The following FOLH1 variants were observed in gnomAD, a reference collection of about 807,000 sequenced individuals.
FOLH1 encodes folate hydrolase 1, also known as glutamate carboxypeptidase 2.
In FOLH1, 54 loss-of-function variants were observed where a neutral mutation model predicts 93.9. The ratio of observed to expected loss-of-function variants is 0.57; its 90% CI spans 0.46 to 0.72. FOLH1 has a LOEUF of 0.72. Ranked by LOEUF, FOLH1 falls within the 30% of genes least tolerant of loss-of-function variation. The pLI is 0.00. For missense variants in FOLH1, 571 were observed against 892.5 expected (o/e 0.64, Z 4.59); for synonymous variants, 249 against 303.6 (o/e 0.82, Z 1.87).
At chr11:49,162,182 T>G (rs1465517599) in intron 13 of FOLH1, among the ~76,000 whole-genome samples, 2 of 152,106 alleles carry the variant, frequency 1.3e-5, no homozygotes, top group African/African-American at 2.4e-5. Flanking sequence ...TCTAGCTATG[T>G]TGGGAAAGTT....
chr11:49,174,685 AC>A lies in FOLH1; in HGVS notation c.1105+206del, dbSNP rs202123074. Among the ~76,000 whole-genome samples the A allele has an allele frequency of 5.9e-3, 894 of 152,260 alleles. 12 individuals are homozygous for A. Among genetic ancestry groups the A allele is most frequent in the African/African-American group, 0.021 (855 of 41,548 alleles). Reference sequence around the variant, plus strand: ...ACCTTGGTCATCTGCCCAGCCTAGCACCAAACATTCACTTTTATTCACCACC... The same window carrying A: ...ACCTTGGTCATCTGCCCAGCCTAGCACAAACATTCACTTTTATTCACCACC... On this transcript the variant is annotated intron_variant, in intron 9 of 18. Transcript: ENST00000256999.
chr11:49,170,062 A>G (rs901477387), intron 11 of FOLH1, among the ~76,000 whole-genome samples: 1 of 127,260 alleles, frequency 7.9e-6, no homozygotes, highest in Non-Finnish European at 1.6e-5. Flanking sequence ...ATTAAAGTCC[A>G]CAGGGTTTCA....
chr11:49,147,764 T>C (rs964457630), intron 18 of FOLH1, among the ~76,000 whole-genome samples: 1 of 152,026 alleles, frequency 6.6e-6, no homozygotes, highest in African/African-American at 2.4e-5. Context: ...TCGCTACAAA[T>C]GAACGTACAA....
intron 6 of FOLH1, among the ~76,000 whole-genome samples, chr11:49,184,052 T>G (rs1398004796): frequency 6.6e-6 from 1 of 152,156 alleles, no homozygotes; most frequent in Non-Finnish European, 1.5e-5. Flanking sequence ...TCTTCAGACT[T>G]AAGAAAAATC....
intron 13 of FOLH1, among the ~76,000 whole-genome samples, chr11:49,159,672 CTAAT>C (rs1178335209): frequency 6.6e-6 from 1 of 152,036 alleles, no homozygotes; most frequent in Non-Finnish European, 1.5e-5. Context: ...GTCTCTCCTC[CTAAT>C]TATTTGGCAA....
At chr11:49,157,548 A>G (rs1256745588) in intron 14 of FOLH1, among the ~76,000 whole-genome samples, 8 of 151,984 alleles carry the variant, frequency 5.3e-5, no homozygotes, top group Non-Finnish European at 1.2e-4. Flanking sequence ...ATGACACTGA[A>G]AGGAAATGCT....
chr11:49,191,015 T>C (rs1861965696), intron 4 of FOLH1, among the ~76,000 whole-genome samples: 1 of 152,210 alleles, frequency 6.6e-6, no homozygotes. Flanking sequence ...AAAGATTATG[T>C]ATACAAAAAC....
At chr11:49,150,826 A>G (rs1225697813) in intron 17 of FOLH1, among the ~76,000 whole-genome samples, 3 of 152,190 alleles carry the variant, frequency 2.0e-5, no homozygotes, top group Non-Finnish European at 4.4e-5. Context: ...AATTTAATTA[A>G]CTGAGAAAAA....
At chr11:49,191,320 G>A (rs1862012918) in intron 4 of FOLH1, among the ~76,000 whole-genome samples, 1 of 152,240 alleles carries the variant, frequency 6.6e-6, no homozygotes, top group East Asian at 1.9e-4. Flanking sequence ...CCTGTAAAAC[G>A]TTTTAAACAC....
intron 3 of FOLH1, among the ~76,000 whole-genome samples, chr11:49,197,273 C>A (rs1275668033): frequency 6.6e-6 from 1 of 152,148 alleles, no homozygotes; most frequent in African/African-American, 2.4e-5. Flanking sequence ...AATTTTACAG[C>A]AAGTTTATGA....
At chr11:49,148,253 G>A (rs1018932974) in intron 18 of FOLH1, among the ~76,000 whole-genome samples, 34 of 150,532 alleles carry the variant, frequency 2.3e-4, no homozygotes, top group Non-Finnish European at 4.4e-4. Flanking sequence ...GAGATGTTTG[G>A]GTTCTGTGTA....
At chr11:49,183,075 T>C (rs925020881) in intron 7 of FOLH1, 74 bp downstream of exon 7, 27 of 1,330,752 alleles carry the variant, frequency 2.0e-5, no homozygotes, top group Non-Finnish European at 2.7e-5. Context: ...AAAATGGAGA[T>C]AAAAGCCTAA....
chr11:49,185,494 A>G, intron 6 of FOLH1, 175 bp downstream of exon 6: 1 of 840,878 alleles, frequency 1.2e-6, no homozygotes, highest in Non-Finnish European at 1.8e-6. Flanking sequence ...CCCAAGTTTC[A>G]AAATAAGGGG....
chr11:49,198,507 ATATAT>A (rs1450845103), intron 3 of FOLH1, among the ~76,000 whole-genome samples: 3 of 151,894 alleles, frequency 2.0e-5, no homozygotes, highest in Non-Finnish European at 2.9e-5. Flanking sequence ...AAAAACTAAA[ATATAT>A]TATATGTCTG....
rs1485416086 is a variant in FOLH1, at chr11:49,197,867, A to G, written c.411+2388T>C. Among the ~76,000 whole-genome samples the G allele has an allele frequency of 2.6e-5, 4 of 152,184 alleles. No homozygotes were observed. The East Asian group carries it at 7.7e-4, about 29-fold the overall frequency. ...ATGTAAATATAAAAAGAATTAACTT[A>G]TAGTTGAATAATGATTGCCTCTGGA... On this transcript the variant is annotated intron_variant, in intron 3 of 18. Coordinates refer to ENST00000256999, the MANE Select transcript of FOLH1 (RefSeq NM_004476.3).
rs1312937976 is a variant in FOLH1 at position 49,145,135 on chromosome 11, C to A, written c.*1621G>T. 6.6e-6 allele frequency among the ~76,000 whole-genome samples: 1 copy of A among 152,100 alleles called. No individual in the cohort carries two copies. The highest frequency in any genetic ancestry group is 1.5e-5 in the Non-Finnish European group (1 of 68,016). ...TACATTTTATTATTCACCAGTTATC[C>A]AAATTTGGGTTATCCACTCCAAACT... is the stretch of plus-strand genomic sequence containing the variant. On this transcript the variant is annotated 3_prime_UTR_variant, in exon 19 of 19. Coordinates refer to ENST00000256999, the MANE Select transcript of FOLH1 (RefSeq NM_004476.3).
At chr11:49,175,444 A>G (rs1819897234) in intron 8 of FOLH1, among the ~76,000 whole-genome samples, 1 of 152,202 alleles carries the variant, frequency 6.6e-6, no homozygotes, top group African/African-American at 2.4e-5. Flanking sequence ...CCTGGTTAAT[A>G]AAATTTCAGG....
At chr11:49,150,056 AG>A (rs1260916241) in intron 17 of FOLH1, among the ~76,000 whole-genome samples, 1 of 152,180 alleles carries the variant, frequency 6.6e-6, no homozygotes, top group African/African-American at 2.4e-5. Context: ...CCTGAGCTCA[AG>A]CAATTCCTCT....
intron 13 of FOLH1, among the ~76,000 whole-genome samples, chr11:49,164,242 C>T (rs968614154): frequency 2.6e-5 from 4 of 152,152 alleles, no homozygotes; most frequent in Non-Finnish European, 5.9e-5. Flanking sequence ...TAGCCTCTGT[C>T]CCTGGAAGCC....
Sources: gnomAD v4.1 joint callset for allele counts (sites outside exome capture counted in the v4.1 genomes callset) on GRCh38, gnomAD v4.1.1 for gene constraint, MANE v1.5 for transcripts, NCBI Gene and HGNC (gene_info 2026-07-23, HGNC 2026-07-21) for gene names.